SLC24A2: variants seen among roughly 807,000 people sequenced by gnomAD.
The protein encoded by SLC24A2 is solute carrier family 24 member 2.
In SLC24A2, 36 loss-of-function variants were observed where a neutral mutation model predicts 62.0. That is an observed-to-expected ratio of 0.58 (90% confidence interval 0.44 to 0.77). The LOEUF (loss-of-function observed/expected upper bound fraction) is 0.77, where lower values mean the gene tolerates loss of function less well. Among genes scored for constraint, SLC24A2 ranks in the 30% least tolerant of loss-of-function variants. The pLI is 0.00. For missense variants in SLC24A2, 846 were observed against 817.9 expected (o/e 1.03, Z -0.42); for synonymous variants, 358 against 294.0 (o/e 1.22, Z -2.23).
chr9:19,608,243 T>C (rs1837046279), intron 4 of SLC24A2, among the ~76,000 whole-genome samples: 1 of 152,168 alleles, frequency 6.6e-6, no homozygotes, highest in African/African-American at 2.4e-5. Flanking sequence ...CCTTCTCCAC[T>C]TTTTGGATAA....
At chr9:19,739,094 G>A (rs1054700068) in intron 2 of SLC24A2, among the ~76,000 whole-genome samples, 6 of 152,202 alleles carry the variant, frequency 3.9e-5, no homozygotes, top group African/African-American at 7.2e-5. Flanking sequence ...TCCATCCGGG[G>A]TGACAGAGTG....
At chr9:20,129,199 G>A in the SLC24A2 span, among the ~76,000 whole-genome samples, 8 of 152,174 alleles carry the variant, frequency 5.3e-5, no homozygotes, top group East Asian at 7.7e-4. Flanking sequence ...AATATGCTCA[G>A]TATCATTAGT....
chr9:19,693,093 C>G (rs1401407256), intron 2 of SLC24A2, among the ~76,000 whole-genome samples: 1 of 151,966 alleles, frequency 6.6e-6, no homozygotes, highest in Non-Finnish European at 1.5e-5. Flanking sequence ...TATTTATTTA[C>G]TTATTTATTT....
chr9:20,269,291 G>A, the SLC24A2 span, among the ~76,000 whole-genome samples: 2 of 152,052 alleles, frequency 1.3e-5, no homozygotes, highest in Non-Finnish European at 2.9e-5. Context: ...CTGTTGTATA[G>A]GTAAGAAAAG....
intron 2 of SLC24A2, among the ~76,000 whole-genome samples, chr9:19,733,626 A>C (rs1021538607): frequency 5.9e-5 from 9 of 152,168 alleles, no homozygotes; most frequent in African/African-American, 2.2e-4. Context: ...CCACTTAGTT[A>C]TTTCTGGAGT....
chr9:19,622,363 G>T, intron 2 of SLC24A2, 64 bp from the exon 3 acceptor site: 1 of 1,475,558 alleles, frequency 6.8e-7, no homozygotes, highest in Non-Finnish European at 9.4e-7. Context: ...ATCACATATG[G>T]CATTTACATT....
chr9:19,534,991 C>A (rs1400009449), intron 8 of SLC24A2, among the ~76,000 whole-genome samples: 5 of 152,158 alleles, frequency 3.3e-5, no homozygotes, highest in Admixed American at 3.3e-4. Flanking sequence ...TAAAAGTGTT[C>A]CTATTTCACC....
chr9:19,561,308 A>ACT (rs200942787), intron 7 of SLC24A2, among the ~76,000 whole-genome samples: 2,675 of 151,210 alleles, frequency 0.018, 16 homozygotes, highest in African/African-American at 0.061. Flanking sequence ...CCTCTTATCC[A>ACT]TAAGATAAGT....
the SLC24A2 span, among the ~76,000 whole-genome samples, chr9:19,881,744 C>G: frequency 2.0e-5 from 3 of 152,238 alleles, no homozygotes; most frequent in East Asian, 3.9e-4. Flanking sequence ...TTGCACATGT[C>G]AAATCATGTA....
intron 2 of SLC24A2, among the ~76,000 whole-genome samples, chr9:19,623,417 T>C (rs1424309958): frequency 6.6e-6 from 1 of 152,180 alleles, no homozygotes; most frequent in Non-Finnish European, 1.5e-5. Context: ...GCTCTAGGCT[T>C]TCTGTTTTAG....
At chr9:19,961,010 G>T in the SLC24A2 span, among the ~76,000 whole-genome samples, 1 of 142,828 alleles carries the variant, frequency 7.0e-6, no homozygotes, top group Non-Finnish European at 1.5e-5. Context: ...ACAAATTCAG[G>T]ATTAGAGGGG....
chr9:19,615,075 G>A (rs999770345), intron 4 of SLC24A2, among the ~76,000 whole-genome samples: 1 of 152,186 alleles, frequency 6.6e-6, no homozygotes, highest in Non-Finnish European at 1.5e-5. Flanking sequence ...TGTGACTCAG[G>A]CTCAGAGGCG....
chr9:20,086,767 A>C, the SLC24A2 span, among the ~76,000 whole-genome samples: 13 of 152,244 alleles, frequency 8.5e-5, no homozygotes, highest in African/African-American at 3.1e-4. Context: ...GCTATTTGAG[A>C]AAATTATTAT....
At chr9:20,213,047 G>A in the SLC24A2 span, among the ~76,000 whole-genome samples, 2 of 151,662 alleles carry the variant, frequency 1.3e-5, no homozygotes, top group South Asian at 4.1e-4. Flanking sequence ...GGGAGGGAGA[G>A]CATCAGGAAA....
At chr9:19,921,518 TAAA>T in the SLC24A2 span, among the ~76,000 whole-genome samples, 7 of 123,180 alleles carry the variant, frequency 5.7e-5, no homozygotes, top group African/African-American at 6.3e-5. Flanking sequence ...AGACTCCGTG[TAAA>T]AAAAAAAAAA....
At chr9:20,021,351 A>T in the SLC24A2 span, among the ~76,000 whole-genome samples, 2 of 148,644 alleles carry the variant, frequency 1.3e-5, no homozygotes, top group African/African-American at 5.2e-5. Context: ...GGACAGATTT[A>T]TATATATATA....
the SLC24A2 span, among the ~76,000 whole-genome samples, chr9:20,205,627 G>C: frequency 7.1e-6 from 1 of 141,034 alleles, no homozygotes; most frequent in Middle Eastern, 3.8e-3. Context: ...CTCCAGGCTG[G>C]GTAACAGAGT....
intron 5 of SLC24A2, among the ~76,000 whole-genome samples, chr9:19,580,096 G>A (rs997668871): frequency 1.3e-5 from 2 of 152,216 alleles, no homozygotes; most frequent in African/African-American, 4.8e-5. Context: ...AGGGATTAGC[G>A]TTATTTGTGT....
At chr9:20,298,911 G>A in the SLC24A2 span, among the ~76,000 whole-genome samples, 1 of 152,188 alleles carries the variant, frequency 6.6e-6, no homozygotes, top group Non-Finnish European at 1.5e-5. Flanking sequence ...AGGCTCATAT[G>A]ACTCTAAGTT....
Sources: allele counts gnomAD v4.1 joint callset (sites outside exome capture counted in the v4.1 genomes callset), GRCh38; gene constraint gnomAD v4.1.1; transcripts MANE v1.5; gene names NCBI Gene and HGNC (gene_info 2026-07-23, HGNC 2026-07-21).